PTPRN2: variants seen among roughly 807,000 people sequenced by gnomAD.
PTPRN2 encodes protein tyrosine phosphatase receptor type N2, also known as receptor-type tyrosine-protein phosphatase N2.
Under a neutral mutation model 118.8 loss-of-function variants are expected in PTPRN2, and 74 were observed. The ratio of observed to expected loss-of-function variants is 0.62; its 90% CI spans 0.52 to 0.76. The LOEUF is 0.76. Ranked by LOEUF, PTPRN2 falls within the 30% of genes least tolerant of loss-of-function variation. The probability of loss-of-function intolerance (pLI) is 0.00; values close to 1 mark genes in which losing one functional copy is unlikely to be tolerated. For synonymous variants in PTPRN2, 641 were observed against 608.0 expected, an observed-to-expected ratio of 1.05 and a Z score of -0.80; for missense variants, 1,481 against 1,394.4, an observed-to-expected ratio of 1.06 and a Z score of -0.99.
intron 12 of PTPRN2, among the ~76,000 whole-genome samples, chr7:157,819,991 A>C (rs1447730515): frequency 6.6e-6 from 1 of 150,870 alleles, no homozygotes; most frequent in Non-Finnish European, 1.5e-5. Context: ...CAACACACCC[A>C]CACACACAGA....
chr7:158,120,617 T>C (rs970322472), intron 9 of PTPRN2, among the ~76,000 whole-genome samples: 4 of 152,164 alleles, frequency 2.6e-5, no homozygotes, highest in Admixed American at 2.6e-4. Context: ...TTCTGTGTAA[T>C]TTTACAATTG....
At position 157,986,883 on chromosome 7, in the gene PTPRN2, A is replaced by G. The variant is rs1461312816; in HGVS notation, c.1724-88146T>C. Among the ~76,000 whole-genome samples, 2 of 151,984 alleles carry G rather than the reference A, an allele frequency of 1.3e-5. No homozygotes were observed. Among genetic ancestry groups the G allele is most frequent in the Non-Finnish European group, 2.9e-5 (2 of 68,002 alleles). On this transcript the variant is annotated intron_variant, in intron 11 of 22. Transcript: ENST00000389418. This position sits in a 1 kb window ranked among gnomAD's most constrained non-coding sequence, Gnocchi z 4.5. ...CCACCCCTCCTCCAGGACCCTCCAG[A>G]GTGAATCTGGAGCGAGGGGGCCCAG...
chr7:157,736,163 C>T lies in PTPRN2; in HGVS notation c.1789-53226G>A, dbSNP rs567601743. Among the ~76,000 whole-genome samples, 63 of 152,298 alleles carry T rather than the reference C, an allele frequency of 4.1e-4. No individual in the cohort carries two copies. In the South Asian group the frequency reaches 0.01, roughly 25 times the overall value. ...GATACATCACCCGATCACACCAGCCCGAGAACCTTCCCTTTCCCACCACCA... is the reference window on the plus strand; with the variant it reads ...GATACATCACCCGATCACACCAGCCTGAGAACCTTCCCTTTCCCACCACCA... On this transcript the variant is annotated intron_variant, in intron 12 of 22. Coordinates refer to ENST00000389418, the MANE Select transcript of PTPRN2 (RefSeq NM_002847.5).
intron 9 of PTPRN2, among the ~76,000 whole-genome samples, chr7:158,127,919 T>G (rs533237352): frequency 4.6e-5 from 7 of 152,152 alleles, no homozygotes; most frequent in Admixed American, 2.0e-4. Flanking sequence ...TCCCTCTAGT[T>G]TGTAAAAAGG....
intron 12 of PTPRN2, among the ~76,000 whole-genome samples, chr7:157,686,942 C>A (rs1015161577): frequency 6.6e-5 from 10 of 152,136 alleles, no homozygotes; most frequent in Non-Finnish European, 1.2e-4. Flanking sequence ...TTAGATCTAT[C>A]TTGAGAATAA....
At chr7:158,338,268 A>G (rs1309781967) in intron 2 of PTPRN2, among the ~76,000 whole-genome samples, 3 of 76,816 alleles carry the variant, frequency 3.9e-5, no homozygotes, top group Non-Finnish European at 7.7e-5. Context: ...CCACACTCTC[A>G]CCATAAGCGC....
intron 12 of PTPRN2, among the ~76,000 whole-genome samples, chr7:157,885,584 C>T (rs1487612320): frequency 2.6e-5 from 4 of 152,208 alleles, no homozygotes; most frequent in African/African-American, 4.8e-5. Flanking sequence ...TGCTCATCAG[C>T]GTCCATGTCC....
chr7:158,321,910 T>G (rs1201457824), intron 2 of PTPRN2, among the ~76,000 whole-genome samples: 2 of 152,192 alleles, frequency 1.3e-5, no homozygotes, highest in Non-Finnish European at 2.9e-5. Context: ...TGCCCAAGGA[T>G]GCCGCCAATC....
chr7:157,587,106 A>T lies in PTPRN2; in HGVS notation c.2496+8132T>A, dbSNP rs535578939. Among the ~76,000 whole-genome samples, 2 of 146,468 alleles carry T rather than the reference A, an allele frequency of 1.4e-5. No homozygotes were observed. Among genetic ancestry groups the T allele is most frequent in the African/African-American group, 4.9e-5 (2 of 41,222 alleles). ...CACCCACCCCTGCCTGGACTAGTGC[A>T]GTAGCTGACACAGCAGACAGGCAGA... On this transcript the variant is annotated intron_variant, in intron 17 of 22. Transcript: ENST00000389418. This position sits in a 1 kb window ranked among gnomAD's most constrained non-coding sequence, Gnocchi z 5.3.
chr7:158,458,287 G>A (rs139104005), intron 2 of PTPRN2, among the ~76,000 whole-genome samples: 5 of 152,234 alleles, frequency 3.3e-5, no homozygotes, highest in African/African-American at 7.2e-5. Flanking sequence ...GAAGTGGGCC[G>A]GGCGAGTGAT....
At chr7:158,386,990 G>T (rs1046270882) in intron 2 of PTPRN2, among the ~76,000 whole-genome samples, 9 of 152,190 alleles carry the variant, frequency 5.9e-5, no homozygotes, top group African/African-American at 2.2e-4. Flanking sequence ...GTGGGCTGAG[G>T]ATGGGGGGAC....
chr7:158,513,199 A>G (rs929186297), intron 1 of PTPRN2, among the ~76,000 whole-genome samples: 4 of 152,162 alleles, frequency 2.6e-5, no homozygotes, highest in Non-Finnish European at 4.4e-5. Flanking sequence ...TGATGTGATG[A>G]GAAGGCACTT....
chr7:158,398,398 C>T (rs892413126), intron 2 of PTPRN2, among the ~76,000 whole-genome samples: 1 of 152,194 alleles, frequency 6.6e-6, no homozygotes, highest in Non-Finnish European at 1.5e-5. Context: ...CACACTGTTG[C>T]CTCACCTGGT....
At chr7:158,084,155 A>G (rs1813066846) in intron 10 of PTPRN2, among the ~76,000 whole-genome samples, 1 of 152,184 alleles carries the variant, frequency 6.6e-6, no homozygotes, top group Non-Finnish European at 1.5e-5. Flanking sequence ...GGTCTGCAGT[A>G]AACAGGGGCA....
intron 11 of PTPRN2, among the ~76,000 whole-genome samples, chr7:157,900,028 C>T (rs1472299895): frequency 6.6e-6 from 1 of 152,176 alleles, no homozygotes; most frequent in Non-Finnish European, 1.5e-5. Flanking sequence ...CTCTTTTAAG[C>T]AGGCTGAGGA....
intron 11 of PTPRN2, among the ~76,000 whole-genome samples, chr7:158,079,395 G>A (rs1008101955): frequency 2.0e-5 from 3 of 152,102 alleles, no homozygotes; most frequent in Non-Finnish European, 4.4e-5. Flanking sequence ...GCAGCACTTC[G>A]ATAAATAACA....
At chr7:158,233,680 A>G (rs1829320827) in intron 3 of PTPRN2, among the ~76,000 whole-genome samples, 1 of 152,226 alleles carries the variant, frequency 6.6e-6, no homozygotes, top group Non-Finnish European at 1.5e-5. Context: ...CTGAGCAAAA[A>G]TAACAAACAT....
At chr7:158,319,509 C>CCTCACACACGCACACGATCTCCCT (rs1563131612) in intron 2 of PTPRN2, among the ~76,000 whole-genome samples, 4 of 37,056 alleles carry the variant, frequency 1.1e-4, no homozygotes, top group African/African-American at 3.9e-4. Flanking sequence ...CAGCCTCCCC[C>CCTCACACACGCACACGATCTCCCT]CACACACACA....
chr7:157,686,990 G>A (rs562949774), intron 12 of PTPRN2, among the ~76,000 whole-genome samples: 1 of 152,084 alleles, frequency 6.6e-6, no homozygotes, highest in Admixed American at 6.5e-5. Flanking sequence ...CCTCTCAACC[G>A]TCTGCACCTG....
Sources: gnomAD v4.1 joint callset for allele counts (sites outside exome capture counted in the v4.1 genomes callset) on GRCh38, gnomAD v4.1.1 for gene constraint, Gnocchi (gnomAD v3.1) non-coding constraint, MANE v1.5 for transcripts, NCBI Gene and HGNC (gene_info 2026-07-23, HGNC 2026-07-21) for gene names.